ZC3H12B: variants seen among roughly 807,000 people sequenced by gnomAD.
ZC3H12B encodes probable ribonuclease ZC3H12B.
A neutral mutation model predicts 43.9 loss-of-function variants in ZC3H12B; 7 were observed. The ratio of observed to expected loss-of-function variants is 0.16; its 90% CI spans 0.09 to 0.30. The LOEUF (loss-of-function observed/expected upper bound fraction) is 0.30, where lower values mean the gene tolerates loss of function less well. ZC3H12B is among the 10% of genes least tolerant of loss of function. The probability of loss-of-function intolerance (pLI) is 1.00; values close to 1 mark genes in which losing one functional copy is unlikely to be tolerated. For synonymous variants in ZC3H12B, 222 were observed against 241.7 expected, an observed-to-expected ratio of 0.92 and a Z score of 0.76; for missense variants, 475 against 670.2, an observed-to-expected ratio of 0.71 and a Z score of 3.22.
chrX:65,342,843 A>C, the ZC3H12B span, among the ~76,000 whole-genome samples: 6 of 110,374 alleles, frequency 5.4e-5, no homozygotes, highest in African/African-American at 2.0e-4. Context: ...GAGACAAAAA[A>C]AAAAAAAAAA....
At chrX:65,377,346 A>T (rs1057212648) in intron 2 of ZC3H12B, among the ~76,000 whole-genome samples, 1 of 110,571 alleles carries the variant, frequency 9.0e-6, no homozygotes, top group African/African-American at 3.3e-5. Context: ...GATTAGAGAG[A>T]TTATTTAAAA....
chrX:65,107,373 G>A, the ZC3H12B span, among the ~76,000 whole-genome samples: 3 of 111,090 alleles, frequency 2.7e-5, no homozygotes, highest in Non-Finnish European at 5.7e-5. Flanking sequence ...TTAACAAAGA[G>A]GCTACCGAAA....
the ZC3H12B span, among the ~76,000 whole-genome samples, chrX:65,113,591 C>T: frequency 1.8e-5 from 2 of 109,502 alleles, no homozygotes; most frequent in Non-Finnish European, 3.8e-5. Flanking sequence ...TATCTAAAAG[C>T]ATTGCATGCT....
the ZC3H12B span, among the ~76,000 whole-genome samples, chrX:65,134,771 G>T: frequency 9.0e-6 from 1 of 111,572 alleles, no homozygotes; most frequent in Non-Finnish European, 1.9e-5. Flanking sequence ...CAACAAGGCT[G>T]TTTATTTCAC....
At chrX:65,501,012 T>G (rs2068359364) in intron 4 of ZC3H12B, among the ~76,000 whole-genome samples, 2 of 111,025 alleles carry the variant, frequency 1.8e-5, no homozygotes, top group Admixed American at 1.9e-4. Flanking sequence ...ATGATGAACT[T>G]TGGTTACAGA....
At chrX:65,488,682 C>G (rs1198235102), upstream of ZC3H12B, 2 of 916,358 alleles carry the variant, frequency 2.2e-6, no homozygotes, top group Non-Finnish European at 1.5e-6. Flanking sequence ...ACCACACAGT[C>G]AAACTCTTGC....
the ZC3H12B span, among the ~76,000 whole-genome samples, chrX:65,254,244 C>T: frequency 1.8e-5 from 2 of 112,662 alleles, no homozygotes; most frequent in African/African-American, 3.2e-5. Context: ...ACACTAACAC[C>T]CTTGCACCTG....
At chrX:65,423,037 A>T (rs1291228893) in intron 3 of ZC3H12B, among the ~76,000 whole-genome samples, 10 of 97,812 alleles carry the variant, frequency 1.0e-4, no homozygotes, top group Admixed American at 2.6e-4. Flanking sequence ...GGTTCACGCC[A>T]TTCTCCTGCC....
chrX:65,499,897 A>T, exon 4 of ZC3H12B: 1 of 1,210,863 alleles, frequency 8.3e-7, no homozygotes. Flanking sequence ...ATGCCTCCAG[A>T]TGATCCATTA....
At chrX:65,369,047 G>A (rs1057103983) in intron 2 of ZC3H12B, 49 bp downstream of exon 4, 3 of 111,967 alleles carry the variant, frequency 2.7e-5, no homozygotes, top group African/African-American at 9.7e-5. Context: ...GTGTTTGAAA[G>A]AGTAAACTAT....
chrX:65,136,859 G>A, the ZC3H12B span, among the ~76,000 whole-genome samples: 2 of 111,706 alleles, frequency 1.8e-5, no homozygotes, highest in East Asian at 2.8e-4. Flanking sequence ...GGAAAAGAAT[G>A]TCTATTTCAT....
chrX:65,197,599 G>A, the ZC3H12B span, among the ~76,000 whole-genome samples: 2 of 112,002 alleles, frequency 1.8e-5, no homozygotes, highest in African/African-American at 3.2e-5. Flanking sequence ...CATTTTATGG[G>A]TGATATTCTA....
At chrX:65,109,538 T>C in the ZC3H12B span, among the ~76,000 whole-genome samples, 1 of 112,133 alleles carries the variant, frequency 8.9e-6, no homozygotes, top group Non-Finnish European at 1.9e-5. Context: ...TCATTCATTT[T>C]AATGCCCAAA....
chrX:65,052,664 C>A, the ZC3H12B span, among the ~76,000 whole-genome samples: 15 of 111,206 alleles, frequency 1.3e-4, no homozygotes, highest in African/African-American at 4.9e-4. Flanking sequence ...GCCCCATTTT[C>A]TTTATCCATT....
At chrX:65,392,288 C>T (rs2066629784) in intron 2 of ZC3H12B, among the ~76,000 whole-genome samples, 1 of 111,096 alleles carries the variant, frequency 9.0e-6, no homozygotes, top group Non-Finnish European at 1.9e-5. Context: ...AGGAGTGCCT[C>T]TTCCCGGCCG....
At chrX:65,194,732 C>G in the ZC3H12B span, among the ~76,000 whole-genome samples, 1 of 112,011 alleles carries the variant, frequency 8.9e-6, no homozygotes, top group Non-Finnish European at 1.9e-5. Flanking sequence ...CGTTGATTTT[C>G]TGTCTGAATG....
chrX:65,438,233 A>G (rs961713519), intron 3 of ZC3H12B, among the ~76,000 whole-genome samples: 1 of 110,269 alleles, frequency 9.1e-6, no homozygotes, highest in African/African-American at 3.4e-5. Context: ...ATACATTTTT[A>G]AAGTATTTTT....
intron 3 of ZC3H12B, among the ~76,000 whole-genome samples, chrX:65,456,566 G>A (rs1289664952): frequency 1.9e-5 from 2 of 105,596 alleles, no homozygotes; most frequent in African/African-American, 3.5e-5. Context: ...AGCCTGCCGA[G>A]TGCCTGCGAT....
chrX:65,356,167 T>A, the ZC3H12B span, among the ~76,000 whole-genome samples: 1 of 111,574 alleles, frequency 9.0e-6, no homozygotes, highest in South Asian at 3.7e-4. Flanking sequence ...TTGCCACACT[T>A]CCTCTGAGTA....
Sources: allele counts gnomAD v4.1 joint callset (sites outside exome capture counted in the v4.1 genomes callset), GRCh38; gene constraint gnomAD v4.1.1; transcripts MANE v1.5; gene names NCBI Gene and HGNC (gene_info 2026-07-23, HGNC 2026-07-21).